The following ELN variants were observed in gnomAD, a reference collection of about 807,000 sequenced individuals.
The protein encoded by ELN is tropoelastin.
ELN carries 65 observed loss-of-function variants against 105.8 expected under a neutral mutation model. The ratio of observed to expected loss-of-function variants is 0.61; its 90% confidence interval spans 0.50 to 0.75. The LOEUF (loss-of-function observed/expected upper bound fraction) is 0.75, where lower values mean the gene tolerates loss of function less well. Ranked by LOEUF, ELN falls within the 30% of genes least tolerant of loss-of-function variation. The probability of loss-of-function intolerance (pLI) is 0.00; values close to 1 mark genes in which losing one functional copy is unlikely to be tolerated. For missense variants in ELN, 882 were observed against 969.4 expected (o/e 0.91, Z 1.20); for synonymous variants, 368 against 389.2 (o/e 0.95, Z 0.64).
At chr7:74,042,773 G>A in intron 6 of ELN, 67 bp downstream of exon 6, 2 of 1,589,310 alleles carry the variant, frequency 1.3e-6, no homozygotes, top group Non-Finnish European at 1.7e-6. Context: ...GCTTTGCAAA[G>A]AACCTTCCCT....
chr7:74,037,636 G>A, intron 3 of ELN, 71 bp from the exon 4 acceptor site: 1 of 1,577,330 alleles, frequency 6.3e-7, no homozygotes, highest in South Asian at 1.2e-5. Flanking sequence ...CTTTGCCCGG[G>A]TTGGGGGTTG....
At chr7:74,067,158 C>T (rs1374713365) in intron 32 of ELN, among the ~76,000 whole-genome samples, 1 of 152,046 alleles carries the variant, frequency 6.6e-6, no homozygotes, top group Non-Finnish European at 1.5e-5. Flanking sequence ...TGGTGGCTCA[C>T]GCCTGTAATC....
intron 17 of ELN, chr7:74,052,937 AAAG>A: frequency 1.7e-6 from 1 of 597,772 alleles, no homozygotes; most frequent in Non-Finnish European, 2.9e-6. Context: ...AAAGAAAAAG[AAAG>A]AGATCACATT....
At chr7:74,062,478 T>TA (rs2132450930) in intron 26 of ELN, among the ~76,000 whole-genome samples, 1 of 152,306 alleles carries the variant, frequency 6.6e-6, no homozygotes, top group East Asian at 1.9e-4. Context: ...CTGCAATGCA[T>TA]AAAAAATGGG....
At chr7:74,066,922 G>C in intron 32 of ELN, 146 bp downstream of exon 32, 3 of 807,690 alleles carry the variant, frequency 3.7e-6, no homozygotes, top group South Asian at 2.9e-5. Flanking sequence ...GCTGGACCCC[G>C]AGCTGAATGT....
chr7:74,053,441 C>T (rs935617159), intron 18 of ELN, 132 bp downstream of exon 18: 20 of 1,506,734 alleles, frequency 1.3e-5, no homozygotes, highest in South Asian at 3.6e-5. Flanking sequence ...CCCTTGACCA[C>T]GTCTCATCCC....
At chr7:74,051,211 C>T (rs1055049247) in intron 15 of ELN, among the ~76,000 whole-genome samples, 12 of 152,264 alleles carry the variant, frequency 7.9e-5, no homozygotes, top group African/African-American at 1.9e-4. Flanking sequence ...CCCACCAGCC[C>T]GAGAGAGCGA....
At chr7:74,058,635 C>T (rs1235428402) in intron 22 of ELN, among the ~76,000 whole-genome samples, 4 of 152,208 alleles carry the variant, frequency 2.6e-5, no homozygotes, top group Non-Finnish European at 5.9e-5. Context: ...GGATTACAGG[C>T]GTGAGCCACC....
rs781994157 is a variant in ELN, at chr7:74,045,265, T to G, written c.513T>G (p.Thr171=). Reference sequence around the variant, plus strand: ...TGGGGGTGCTCCCTGGAGTTCCCACTGGAGCAGGAGTTAAGCCCAAGGCTC... The same window carrying G: ...TGGGGGTGCTCCCTGGAGTTCCCACGGGAGCAGGAGTTAAGCCCAAGGCTC... ...PGVGVLPGVP[T]GAGVKPKAPG... The change falls in exon 10 of 33, where the codon ACT becomes ACG. Residue 171 remains threonine (T), a synonymous_variant. Transcript: ENST00000252034. The G allele has an allele frequency of 2.9e-5, 46 of 1,614,030 alleles. No homozygotes were observed. Among genetic ancestry groups the G allele is most frequent in the Non-Finnish European group, 2.6e-5 (31 of 1,180,038 alleles).
intron 9 of ELN, among the ~76,000 whole-genome samples, chr7:74,044,386 G>C (rs1265561474): frequency 1.3e-5 from 2 of 152,134 alleles, no homozygotes; most frequent in African/African-American, 4.8e-5. Flanking sequence ...CAGGCTAACA[G>C]ACATAAGGTC....
chr7:74,069,566 C>G lies in ELN; in HGVS notation c.*866C>G, dbSNP rs1554691210. 2 of 233,460 alleles carry G rather than the reference C, an allele frequency of 8.6e-6. No individual in the cohort carries two copies. The highest frequency in any genetic ancestry group is 1.7e-5 in the Non-Finnish European group (2 of 118,026). The allele number at this position is 233,460 out of a possible 1,614,324, so 14.5% of individuals were successfully genotyped here. ...TGTCCCCACATGCAGTACTGTATAC[C>G]CCCCATCCCTCCCTCGGTCCACTGA... is the stretch of plus-strand genomic sequence containing the variant. On this transcript the variant is annotated 3_prime_UTR_variant, in exon 33 of 33. Coordinates refer to ENST00000252034, the MANE Select transcript of ELN (RefSeq NM_000501.4).
intron 3 of ELN, 105 bp from the exon 4 acceptor site, chr7:74,037,602 G>T (rs1790272361): frequency 4.6e-6 from 7 of 1,508,390 alleles, no homozygotes; most frequent in Admixed American, 2.0e-5. Flanking sequence ...AGGACCTGGG[G>T]TGTGTGATTC....
chr7:74,044,861 A>C (rs868988529), intron 9 of ELN, among the ~76,000 whole-genome samples: 1 of 152,192 alleles, frequency 6.6e-6, no homozygotes, highest in Admixed American at 6.5e-5. Context: ...CCCAGAGAGC[A>C]TGGGCCTCCC....
chr7:74,029,622 C>T (rs1788220699), intron 1 of ELN, among the ~76,000 whole-genome samples: 1 of 152,052 alleles, frequency 6.6e-6, no homozygotes, highest in African/African-American at 2.4e-5. Flanking sequence ...GTGCAGGGTC[C>T]GCTGCTGGAC....
Position 74,056,713 on chromosome 7 carries a change from G to T in ELN, c.1357G>T (p.Gly453Ter). 6.2e-7 allele frequency: 1 copy of T among 1,613,772 alleles called. No homozygotes were observed. ...AAAAAKAAKYGVGTPAAAAAK... is the reference protein window; with the variant it reads ...AAAAAKAAKY ...AGCTGCCGCCAAGGCTGCCAAGTAC[G>T]GTAAGTGCCCCTGCCCTGCCTGTCC... Residue 453 changes from glycine to a stop codon, truncating the protein, a stop_gained and splice_region_variant, in exon 21 of 33, where the codon GGA (glycine) becomes TGA (stop). Coordinates refer to ENST00000252034, the MANE Select transcript of ELN (RefSeq NM_000501.4). LOFTEE classifies it high-confidence loss of function.
In ELN at chr7:74,068,669, T is replaced by C; in HGVS notation, c.2144T>C (p.Leu715Pro). The C allele has an allele frequency of 6.2e-7, 1 of 1,614,136 alleles. No individual in the cohort carries two copies. Among genetic ancestry groups the C allele is most frequent in the East Asian group, 2.2e-5 (1 of 44,872 alleles). ...LSPIFPGGAC[L>P]GKACGRKRK is the part of the protein sequence containing the mutation. ...TCCTCCCGTCCAGGTGGGGCCTGCC[T>C]GGGGAAAGCTTGTGGCCGGAAGAGA... Residue 715 changes from leucine (L) to proline (P), a missense_variant, in exon 33 of 33, where the codon CTG (leucine) becomes CCG (proline). Transcript: ENST00000252034.
chr7:74,064,575 C>T (rs1158359251), intron 29 of ELN, among the ~76,000 whole-genome samples: 1 of 151,948 alleles, frequency 6.6e-6, no homozygotes, highest in Non-Finnish European at 1.5e-5. Flanking sequence ...AAGATCACGC[C>T]GCTGCACTCC....
intron 32 of ELN, among the ~76,000 whole-genome samples, chr7:74,067,237 G>A (rs1295367767): frequency 6.6e-6 from 1 of 151,948 alleles, no homozygotes; most frequent in African/African-American, 2.4e-5. Context: ...TGGCTGAAAC[G>A]GTGAAACCCC....
At chr7:74,052,930 G>C (rs576261878) in intron 17 of ELN, 2 of 581,724 alleles carry the variant, frequency 3.4e-6, no homozygotes, top group African/African-American at 1.9e-5. Context: ...GAAAAGAAAA[G>C]AAAAAGAAAG....
Sources: gnomAD v4.1 joint callset for allele counts (sites outside exome capture counted in the v4.1 genomes callset) on GRCh38, gnomAD v4.1.1 for gene constraint, MANE v1.5 for transcripts, NCBI Gene and HGNC (gene_info 2026-07-23, HGNC 2026-07-21) for gene names.